ZNF831: variants seen among roughly 807,000 people sequenced by gnomAD.
ZNF831 encodes chromosome 20 open reading frame 174.
ZNF831 carries 59 observed loss-of-function variants against 95.8 expected under a neutral mutation model. The observed-to-expected ratio is 0.62, with a 90% CI of 0.50 to 0.77. ZNF831 has a LOEUF of 0.77. Ranked by LOEUF, ZNF831 falls within the 30% of genes least tolerant of loss-of-function variation. The pLI is 0.00. For synonymous variants in ZNF831, 961 were observed against 925.5 expected, an observed-to-expected ratio of 1.04 and a Z score of -0.70; for missense variants, 2,205 against 2,164.0, an observed-to-expected ratio of 1.02 and a Z score of -0.38.
chr20:59,243,243 T>G (rs1987426551), intron 4 of ZNF831, among the ~76,000 whole-genome samples: 1 of 152,228 alleles, frequency 6.6e-6, no homozygotes, highest in Non-Finnish European at 1.5e-5. Context: ...TAACATAGTT[T>G]AGGAAAATTC....
chr20:59,137,320 A>T (rs1979541035), intron 1 of ZNF831, among the ~76,000 whole-genome samples: 1 of 151,508 alleles, frequency 6.6e-6, no homozygotes, highest in Non-Finnish European at 1.5e-5. Flanking sequence ...TGTATACAAG[A>T]TGAAAAATAC....
chr20:59,186,881 T>TA (rs1983091729), intron 1 of ZNF831, among the ~76,000 whole-genome samples: 1 of 152,026 alleles, frequency 6.6e-6, no homozygotes, highest in South Asian at 2.1e-4. Context: ...TGCAATGGTC[T>TA]TCTGGGTCCT....
chr20:59,126,088 AG>A (rs1471261718), intron 1 of ZNF831, among the ~76,000 whole-genome samples: 1 of 152,188 alleles, frequency 6.6e-6, no homozygotes, highest in African/African-American at 2.4e-5. Context: ...CTTGGTTAGA[AG>A]TTACTTTTAA....
intron 1 of ZNF831, among the ~76,000 whole-genome samples, chr20:59,184,094 C>T (rs1025347175): frequency 6.6e-6 from 1 of 151,978 alleles, no homozygotes; most frequent in Admixed American, 6.6e-5. Flanking sequence ...TTTGCCTTTT[C>T]CAGAAGGTCA....
rs748601113 is a variant in ZNF831, at chr20:59,192,117, TTCGGAGCACAGCGCCGAG to T, written c.1101_1118del (p.His369_Glu374del). 2 of 1,579,924 alleles carry T rather than the reference TTCGGAGCACAGCGCCGAG, an allele frequency of 1.3e-6. No homozygotes were observed. The highest frequency in any genetic ancestry group is 4.5e-5 in the East Asian group (2 of 44,354). ...CGCCCTGCAGCCCCCTGCACAGCCT[TTCGGAGCACAGCGCCGAG>T]TCCGAGGGGGAGGGCGGCCCGGGCC... is the stretch of plus-strand genomic sequence containing the variant. On this transcript the variant is annotated inframe_deletion, in exon 2 of 6. Transcript: ENST00000371030. The surrounding 1 kb of genome is among the most constrained non-coding windows in gnomAD (Gnocchi z 5.2).
rs776113479 is a variant in ZNF831 at position 59,193,464 on chromosome 20, G to A, written c.2445G>A (p.Glu815=). The A allele has an allele frequency of 8.1e-6, 13 of 1,608,868 alleles. No individual in the cohort carries two copies. The East Asian group carries it at 2.2e-4, about 28-fold the overall frequency. ...VLRWPSRGSG[E]DKLPSERKKL... is the part of the protein sequence containing the mutation. ...GATGGCCCAGCAGGGGCTCAGGGGA[G>A]GACAAGCTCCCCTCAGAGAGGAAGA... Residue 815 remains glutamate (E), a synonymous_variant, in exon 2 of 6, where the codon GAG becomes GAA. Coordinates refer to ENST00000371030, the MANE Select transcript of ZNF831 (RefSeq NM_178457.3).
intron 2 of ZNF831, chr20:59,146,634 A>C (rs1313773646): frequency 6.6e-6 from 1 of 152,118 alleles, no homozygotes; most frequent in East Asian, 1.9e-4. Flanking sequence ...TCAGATGTGG[A>C]TGAAGGTGCC....
chr20:59,194,839 C>T (rs928304797), intron 2 of ZNF831, 82 bp downstream of exon 2: 1 of 1,449,310 alleles, frequency 6.9e-7, no homozygotes, highest in Non-Finnish European at 9.1e-7. Context: ...GGAAGGAAGT[C>T]TGAAGCCGTC....
intron 4 of ZNF831, 59 bp from the exon 5 acceptor site, chr20:59,252,919 A>G (rs1987968586): frequency 1.3e-6 from 2 of 1,554,248 alleles, no homozygotes; most frequent in Admixed American, 1.9e-5. Context: ...CTCCCAGGAA[A>G]TTACTCTTTG....
chr20:59,216,988 G>T (rs1985726077), intron 4 of ZNF831, among the ~76,000 whole-genome samples: 2 of 151,222 alleles, frequency 1.3e-5, no homozygotes, highest in African/African-American at 4.9e-5. Flanking sequence ...CACCTAGAGG[G>T]GCAAAAAAGT....
intron 4 of ZNF831, among the ~76,000 whole-genome samples, chr20:59,210,856 C>CAAGGAGAAAAAAAAATTCAGAAA (rs1985253773): frequency 7.1e-6 from 1 of 141,146 alleles, no homozygotes; most frequent in African/African-American, 2.8e-5. Flanking sequence ...AAACCAAATC[C>CAAGGAGAAAAAAAAATTCAGAAA]CCCCGTCTCT....
chr20:59,143,079 T>G (rs1464897846), intron 1 of ZNF831, among the ~76,000 whole-genome samples: 3 of 152,158 alleles, frequency 2.0e-5, no homozygotes, highest in African/African-American at 7.2e-5. Context: ...TTTTAATTTT[T>G]GTAGAGATGG....
intron 4 of ZNF831, among the ~76,000 whole-genome samples, chr20:59,229,099 C>T (rs1986588960): frequency 6.6e-6 from 1 of 152,166 alleles, no homozygotes; most frequent in African/African-American, 2.4e-5. Context: ...AACATAATGA[C>T]CTCCAGTTCT....
intron 1 of ZNF831, among the ~76,000 whole-genome samples, chr20:59,179,142 G>A (rs935609459): frequency 1.3e-5 from 2 of 152,184 alleles, no homozygotes; most frequent in Admixed American, 1.3e-4. Context: ...GACCACAGTG[G>A]CTCAGGACAG....
At chr20:59,247,153 T>A (rs1050312611) in intron 4 of ZNF831, among the ~76,000 whole-genome samples, 1 of 152,210 alleles carries the variant, frequency 6.6e-6, no homozygotes, top group African/African-American at 2.4e-5. Flanking sequence ...TAATTACATG[T>A]ATAGATGATT....
chr20:59,243,640 T>C (rs1055839254), intron 4 of ZNF831, among the ~76,000 whole-genome samples: 6 of 152,234 alleles, frequency 3.9e-5, no homozygotes, highest in Admixed American at 3.9e-4. Context: ...TGACTAGAAC[T>C]AATGGCTCTG....
rs369830313 is a variant in ZNF831 at position 59,208,834 on chromosome 20, A to T, written c.4027+1778A>T. 6.6e-6 allele frequency among the ~76,000 whole-genome samples: 1 copy of T among 152,224 alleles called. No individual in the cohort carries two copies. Among genetic ancestry groups the T allele is most frequent in the Non-Finnish European group, 1.5e-5 (1 of 68,002 alleles). On this transcript the variant is annotated intron_variant, in intron 4 of 5. Transcript: ENST00000371030. This position sits in a 1 kb window ranked among gnomAD's most constrained non-coding sequence, Gnocchi z 4.2. ...CGCTACCTGGGAGGTTCTGATGGTCACTGGTGGAATCCAACAGAATCAGCC... is the reference window on the plus strand; with the variant it reads ...CGCTACCTGGGAGGTTCTGATGGTCTCTGGTGGAATCCAACAGAATCAGCC...
At chr20:59,196,872 G>C (rs921262678) in intron 3 of ZNF831, among the ~76,000 whole-genome samples, 1 of 152,080 alleles carries the variant, frequency 6.6e-6, no homozygotes, top group Non-Finnish European at 1.5e-5. Context: ...CTGCCTTGGG[G>C]GTTCAAGCGA....
rs759848617 is a variant in ZNF831 at position 59,194,548 on chromosome 20, C to A, written c.3529C>A (p.Leu1177Met). 19 of 1,605,896 alleles carry A rather than the reference C, an allele frequency of 1.2e-5. No homozygotes were observed. In the South Asian group the frequency reaches 2.1e-4, roughly 18 times the overall value. Residue 1177 changes from leucine to methionine, a missense_variant, in exon 2 of 6, where the codon CTG (leucine) becomes ATG (methionine). Physicochemically the swap from Leu to Met is conservative, Grantham distance 15. Coordinates refer to ENST00000371030, the MANE Select transcript of ZNF831 (RefSeq NM_178457.3). ...CAGCACCCAAAACCCCTTTCCCTCA[C>A]TGAAGGCTGAGCCGCGGCTCACGTG... is the stretch of plus-strand genomic sequence containing the variant. Reference protein sequence around the residue: ...PHSTQNPFPSLKAEPRLTWCC... With the variant: ...PHSTQNPFPSMKAEPRLTWCC...
Sources: gnomAD v4.1 joint callset for allele counts (sites outside exome capture counted in the v4.1 genomes callset) on GRCh38, gnomAD v4.1.1 for gene constraint, Gnocchi (gnomAD v3.1) non-coding constraint, MANE v1.5 for transcripts, NCBI Gene and HGNC (gene_info 2026-07-23, HGNC 2026-07-21) for gene names.